The following IL10RB variants were observed in gnomAD, a reference collection of about 807,000 sequenced individuals.
IL10RB encodes the protein interleukin 10 receptor subunit beta.
IL10RB carries 30 observed loss-of-function variants against 38.7 expected under a neutral mutation model. That is an observed-to-expected ratio of 0.78 (90% CI 0.58 to 1.05). IL10RB has a LOEUF of 1.05. Ranked by LOEUF, IL10RB falls within the 50% of genes least tolerant of loss-of-function variation. IL10RB has a pLI of 0.00. For synonymous variants in IL10RB, 142 were observed against 145.9 expected (o/e 0.97, Z 0.19); for missense variants, 328 against 397.1 (o/e 0.83, Z 1.48).
In IL10RB at chr21:33,268,628, G is replaced by A; in HGVS notation, c.173+111G>A. On this transcript the variant is annotated intron_variant, in intron 2 of 6. Transcript: ENST00000290200. ...GTCTGACTACGGTCACCGTGTGACT[G>A]TGACAACCCTCAGGGAGCCTCCCTG... 4.9e-6 allele frequency: 4 copies of A among 823,712 alleles called. No individual in the cohort carries two copies. In the Middle Eastern group the frequency reaches 1.0e-3, roughly 212 times the overall value. The allele number at this position is 823,712 out of a possible 1,614,324, so 51.0% of individuals were successfully genotyped here. A position where few individuals can be genotyped will look rare whatever the true frequency, so the allele number is the denominator to read the frequency against.
chr21:33,266,959 G>C (rs1376309623), intron 1 of IL10RB, among the ~76,000 whole-genome samples: 1 of 151,902 alleles, frequency 6.6e-6, no homozygotes, highest in Non-Finnish European at 1.5e-5. Flanking sequence ...TGCCCCCTCA[G>C]TGCCAGCCCT....
chr21:33,299,583 A>G (rs543390075), downstream of IL10RB, among the ~76,000 whole-genome samples: 1 of 152,162 alleles, frequency 6.6e-6, no homozygotes, highest in South Asian at 2.1e-4. Flanking sequence ...ACCCATCCCC[A>G]GACTGGTTTA....
chr21:33,307,375 A>G (rs1464712384), intron 1 of IL10RB, among the ~76,000 whole-genome samples: 1 of 152,090 alleles, frequency 6.6e-6, no homozygotes, highest in Non-Finnish European at 1.5e-5. Flanking sequence ...GTGGTCTTTC[A>G]TTGACTCTTT....
chr21:33,274,880 TCTTTGAAG>T (rs1234862451), intron 2 of IL10RB, among the ~76,000 whole-genome samples: 3 of 152,232 alleles, frequency 2.0e-5, no homozygotes, highest in African/African-American at 7.2e-5. Context: ...GTCAGCCTGT[TCTTTGAAG>T]CTTTGAAGCC....
chr21:33,295,223 T>C (rs1451928513), intron 6 of IL10RB, among the ~76,000 whole-genome samples: 4 of 151,334 alleles, frequency 2.6e-5, no homozygotes, highest in Non-Finnish European at 1.5e-5. Flanking sequence ...CCAGGCAAGG[T>C]GGTGGGCGCC....
intron 1 of IL10RB, chr21:33,268,122 A>C: frequency 7.9e-5 from 64 of 806,898 alleles, no homozygotes; most frequent in Non-Finnish European, 1.0e-4. Flanking sequence ...CCATGTGCCC[A>C]CCCTACCCCC....
At chr21:33,308,744 C>T (rs1055981436) in intron 1 of IL10RB, 3 of 152,226 alleles carry the variant, frequency 2.0e-5, no homozygotes, top group Non-Finnish European at 4.4e-5. Context: ...AGACCAGCAG[C>T]ATCAGCACCA....
intron 2 of IL10RB, among the ~76,000 whole-genome samples, chr21:33,270,908 C>G (rs995322181): frequency 6.6e-6 from 1 of 151,900 alleles, no homozygotes; most frequent in Non-Finnish European, 1.5e-5. Flanking sequence ...CTCCTGGCCT[C>G]AAGTGATCCA....
chr21:33,278,058 A>G (rs954324087), intron 3 of IL10RB, among the ~76,000 whole-genome samples: 1 of 151,496 alleles, frequency 6.6e-6, no homozygotes, highest in African/African-American at 2.4e-5. Flanking sequence ...AAAAAAAAAA[A>G]AAAAAAAAAT....
intron 1 of IL10RB, among the ~76,000 whole-genome samples, chr21:33,304,230 G>A (rs1214316628): frequency 6.6e-6 from 1 of 152,226 alleles, no homozygotes; most frequent in Non-Finnish European, 1.5e-5. Flanking sequence ...GCCCTCCCAG[G>A]GGGAATGTTG....
intron 2 of IL10RB, among the ~76,000 whole-genome samples, chr21:33,274,343 A>AT (rs914060611): frequency 5.3e-4 from 79 of 147,686 alleles, no homozygotes; most frequent in Non-Finnish European, 6.2e-4. Flanking sequence ...TAATTTTTGT[A>AT]TTTTTTTTTT....
At chr21:33,292,345 G>A (rs766847655) in intron 6 of IL10RB, among the ~76,000 whole-genome samples, 3 of 152,184 alleles carry the variant, frequency 2.0e-5, no homozygotes, top group Non-Finnish European at 4.4e-5. Context: ...TTCGGTGTGT[G>A]CCCACATACC....
intron 6 of IL10RB, among the ~76,000 whole-genome samples, chr21:33,288,914 A>G (rs1989431588): frequency 6.6e-6 from 1 of 152,196 alleles, no homozygotes; most frequent in Non-Finnish European, 1.5e-5. Context: ...ATTTCCCAGG[A>G]AGCAGACTCT....
intron 5 of IL10RB, among the ~76,000 whole-genome samples, chr21:33,283,507 C>T (rs955966595): frequency 6.6e-6 from 1 of 152,188 alleles, no homozygotes; most frequent in Non-Finnish European, 1.5e-5. Context: ...CCCCCCTTGG[C>T]AGTACTTATT....
At chr21:33,268,164 G>A (rs1286339059) in intron 1 of IL10RB, 4 of 1,370,280 alleles carry the variant, frequency 2.9e-6, no homozygotes, top group Non-Finnish European at 3.8e-6. Context: ...CAAATCCAAG[G>A]CTCCTTTGTC....
rs777969090 is a variant in IL10RB, at chr21:33,297,186, G to A, written c.*829G>A. On this transcript the variant is annotated 3_prime_UTR_variant, in exon 7 of 7. Coordinates refer to ENST00000290200, the MANE Select transcript of IL10RB (RefSeq NM_000628.5). ...CCTATATATGTTTTATATGCTGCTGGTGCTCCATTAAAGTTTTACTCTGTG... is the reference window on the plus strand; with the variant it reads ...CCTATATATGTTTTATATGCTGCTGATGCTCCATTAAAGTTTTACTCTGTG... 5 of 153,374 alleles carry A rather than the reference G, an allele frequency of 3.3e-5. No individual in the cohort carries two copies. Among genetic ancestry groups the A allele is most frequent in the African/African-American group, 9.7e-5 (4 of 41,364 alleles). 9.5% of individuals were successfully genotyped at this position (153,374 alleles called of 1,614,324 possible).
chr21:33,302,577 T>C (rs2082988564), intron 1 of IL10RB, among the ~76,000 whole-genome samples: 1 of 152,152 alleles, frequency 6.6e-6, no homozygotes, highest in South Asian at 2.1e-4. Context: ...CTAGAGATCT[T>C]GGGAAGACCT....
chr21:33,307,015 C>T (rs2083000522), intron 1 of IL10RB, among the ~76,000 whole-genome samples: 1 of 152,200 alleles, frequency 6.6e-6, no homozygotes, highest in South Asian at 2.1e-4. Context: ...ATCATGGCTT[C>T]CTATCTGGCC....
At chr21:33,268,879 C>T (rs1989022947) in intron 2 of IL10RB, among the ~76,000 whole-genome samples, 1 of 152,120 alleles carries the variant, frequency 6.6e-6, no homozygotes, top group African/African-American at 2.4e-5. Flanking sequence ...CCACTGCTGT[C>T]ATCTCTAGGT....
Sources: allele counts gnomAD v4.1 joint callset (sites outside exome capture counted in the v4.1 genomes callset), GRCh38; gene constraint gnomAD v4.1.1; transcripts MANE v1.5; gene names NCBI Gene and HGNC (gene_info 2026-07-23, HGNC 2026-07-21).